APOLD1: variants seen among roughly 807,000 people sequenced by gnomAD.
APOLD1 encodes apolipoprotein L domain containing 1, also known as apolipoprotein L domain-containing protein 1.
Under a neutral mutation model 15.3 loss-of-function variants are expected in APOLD1, and 22 were observed. That is an observed-to-expected ratio of 1.44 (90% confidence interval 1.03 to 2.05). APOLD1 has a LOEUF of 2.05. APOLD1 is among the 30% of genes most tolerant of loss of function. The pLI is 0.00. For synonymous variants in APOLD1, 190 were observed against 167.4 expected (o/e 1.13, Z -1.04); for missense variants, 394 against 353.5 (o/e 1.11, Z -0.92).
intron 1 of APOLD1, among the ~76,000 whole-genome samples, chr12:12,777,830 T>C (rs1202650104): frequency 6.7e-6 from 1 of 150,022 alleles, no homozygotes; most frequent in African/African-American, 2.5e-5. Context: ...GAAGAGGGTA[T>C]AGGAGGTGGA....
intron 1 of APOLD1, among the ~76,000 whole-genome samples, chr12:12,746,515 A>ATAAATACATAAG (rs1198728011): frequency 6.6e-6 from 1 of 150,792 alleles, no homozygotes; most frequent in Non-Finnish European, 1.5e-5. Flanking sequence ...AAATAAATAA[A>ATAAATACATAAG]TACATAAATA....
exon 1 of APOLD1, chr12:12,726,016 T>A (rs1408091931): frequency 2.2e-5 from 34 of 1,522,386 alleles, no homozygotes; most frequent in Non-Finnish European, 3.0e-5. Context: ...CCGCGCGCCG[T>A]GTCACCGGCT....
At position 12,787,891 on chromosome 12, in the gene APOLD1, A is replaced by C; in HGVS notation, c.*239A>C. 1.9e-6 allele frequency: 1 copy of C among 537,538 alleles called. No individual in the cohort carries two copies. Among genetic ancestry groups the C allele is most frequent in the South Asian group, 2.9e-5 (1 of 34,178 alleles). 33.3% of individuals were successfully genotyped at this position (537,538 alleles called of 1,614,324 possible). A position where few individuals can be genotyped will look rare whatever the true frequency, so the allele number is the denominator to read the frequency against. On this transcript the variant is annotated 3_prime_UTR_variant, in exon 2 of 2. Transcript: ENST00000356591. The surrounding 1 kb of genome is among the most constrained non-coding windows in gnomAD (Gnocchi z 4.9). ...TCCTAGTGGAAAAATGTGACCCAAA[A>C]ACTCTTTTTCCTTTATCAAAAACTT... is the stretch of plus-strand genomic sequence containing the variant.
chr12:12,788,673 A>G lies in APOLD1; in HGVS notation c.*1021A>G, dbSNP rs1224435494. ...GGACACAACCCTCCTGATTTATGGA[A>G]TCAGAAACTCTGGCTGTGGGGCCCA... On this transcript the variant is annotated 3_prime_UTR_variant, in exon 2 of 2. Transcript: ENST00000356591. The G allele has an allele frequency of 6.6e-6, 1 of 152,208 alleles. No individual in the cohort carries two copies. Among genetic ancestry groups the G allele is most frequent in the Non-Finnish European group, 1.5e-5 (1 of 68,044 alleles). The allele number at this position is 152,208 out of a possible 1,614,324, so 9.4% of individuals were successfully genotyped here. A position where few individuals can be genotyped will look rare whatever the true frequency, so the allele number is the denominator to read the frequency against.
intron 1 of APOLD1, among the ~76,000 whole-genome samples, chr12:12,736,598 A>G (rs775195386): frequency 8.5e-5 from 13 of 152,218 alleles, no homozygotes; most frequent in Non-Finnish European, 1.3e-4. Context: ...TTGTTTCCTC[A>G]CTTTATCTAA....
intron 1 of APOLD1, among the ~76,000 whole-genome samples, chr12:12,752,861 A>G (rs1946822631): frequency 6.6e-6 from 1 of 152,224 alleles, no homozygotes; most frequent in African/African-American, 2.4e-5. Flanking sequence ...AGGACTATCT[A>G]GATGGTTCAA....
chr12:12,736,614 A>G (rs1311679689), intron 1 of APOLD1, among the ~76,000 whole-genome samples: 2 of 152,232 alleles, frequency 1.3e-5, no homozygotes, highest in Admixed American at 1.3e-4. Flanking sequence ...TCTAATATTA[A>G]TTGAAATCCT....
intron 1 of APOLD1, among the ~76,000 whole-genome samples, chr12:12,760,512 G>A (rs780176476): frequency 5.3e-5 from 8 of 151,366 alleles, no homozygotes; most frequent in Non-Finnish European, 1.0e-4. Context: ...GGTTCTGGGC[G>A]CCTATAATCC....
upstream of APOLD1, among the ~76,000 whole-genome samples, chr12:12,781,092 T>TA (rs1565437624): frequency 6.6e-6 from 1 of 152,172 alleles, no homozygotes; most frequent in Non-Finnish European, 1.5e-5. Context: ...ACATTGCAAT[T>TA]AAAAGAAATA....
Position 12,764,055 on chromosome 12 carries a change from C to T in APOLD1, c.97-22854C>T, listed in dbSNP as rs530367664. Among the ~76,000 whole-genome samples, 12 of 151,344 alleles carry T rather than the reference C, an allele frequency of 7.9e-5. No individual in the cohort carries two copies. In the South Asian group the frequency reaches 1.0e-3, roughly 13 times the overall value. On this transcript the variant is annotated intron_variant, in intron 1 of 1. Transcript: ENST00000326765. ...TCGGCTCACTGCAACCTCTGCCTCC[C>T]GGGTTCAAACAGTTCTCATGCCTCA... is the stretch of plus-strand genomic sequence containing the variant.
At chr12:12,728,322 T>C (rs1032742804) in intron 1 of APOLD1, among the ~76,000 whole-genome samples, 5 of 152,146 alleles carry the variant, frequency 3.3e-5, no homozygotes, top group African/African-American at 9.7e-5. Flanking sequence ...AGTATAGATA[T>C]GTCTGATGAA....
intron 1 of APOLD1, among the ~76,000 whole-genome samples, chr12:12,761,147 G>A (rs1946895695): frequency 6.6e-6 from 1 of 152,154 alleles, no homozygotes; most frequent in African/African-American, 2.4e-5. Context: ...TTAATCATGT[G>A]CTTAATCTAA....
chr12:12,750,906 C>G (rs1259927205), intron 1 of APOLD1, among the ~76,000 whole-genome samples: 1 of 151,570 alleles, frequency 6.6e-6, no homozygotes, highest in Non-Finnish European at 1.5e-5. Flanking sequence ...TCGCAAGTAG[C>G]TGGGACTATA....
chr12:12,769,478 C>T (rs1334576644), intron 1 of APOLD1, among the ~76,000 whole-genome samples: 1 of 152,110 alleles, frequency 6.6e-6, no homozygotes, highest in African/African-American at 2.4e-5. Flanking sequence ...TTGGTGTGGA[C>T]AAGTCTGTGA....
At chr12:12,739,951 G>A (rs1479210517) in intron 1 of APOLD1, among the ~76,000 whole-genome samples, 2 of 151,328 alleles carry the variant, frequency 1.3e-5, no homozygotes, top group African/African-American at 2.4e-5. Context: ...TGTGTAGCTG[G>A]GACTACAGGT....
rs986619391 is a variant in APOLD1 at position 12,791,444 on chromosome 12, A to G, written c.*3792A>G. On this transcript the variant is annotated 3_prime_UTR_variant, in exon 2 of 2. Coordinates refer to ENST00000356591, the MANE Select transcript of APOLD1 (RefSeq NM_030817.3). ...CAAAATTAATGCTTTCTCTTTATTG[A>G]AATAAATTGCTCATTCCTCAAATTT... 3 of 152,198 alleles carry G rather than the reference A, an allele frequency of 2.0e-5. No individual in the cohort carries two copies. The highest frequency in any genetic ancestry group is 7.2e-5 in the African/African-American group (3 of 41,456). The allele number at this position is 152,198 out of a possible 1,614,324, so 9.4% of individuals were successfully genotyped here. A position where few individuals can be genotyped will look rare whatever the true frequency, so the allele number is the denominator to read the frequency against.
intron 1 of APOLD1, among the ~76,000 whole-genome samples, chr12:12,741,986 C>G (rs1016729003): frequency 2.6e-5 from 4 of 152,174 alleles, no homozygotes; most frequent in African/African-American, 9.7e-5. Context: ...AAATTATTCT[C>G]TTTCACTTTC....
chr12:12,728,476 G>C (rs920686392), intron 1 of APOLD1, among the ~76,000 whole-genome samples: 1 of 151,640 alleles, frequency 6.6e-6, no homozygotes, highest in South Asian at 2.1e-4. Flanking sequence ...GACCAGCCTG[G>C]GCAACATGGT....
chr12:12,787,737 C>G lies in APOLD1; in HGVS notation c.*85C>G. 6.7e-7 allele frequency: 1 copy of G among 1,500,258 alleles called. No homozygotes were observed. The highest frequency in any genetic ancestry group is 8.8e-7 in the Non-Finnish European group (1 of 1,131,108). The allele number at this position is 1,500,258 out of a possible 1,614,324, so 92.9% of individuals were successfully genotyped here. A position where few individuals can be genotyped will look rare whatever the true frequency, so the allele number is the denominator to read the frequency against. On this transcript the variant is annotated 3_prime_UTR_variant, in exon 2 of 2. Coordinates refer to ENST00000356591, the MANE Select transcript of APOLD1 (RefSeq NM_030817.3). This position sits in a 1 kb window ranked among gnomAD's most constrained non-coding sequence, Gnocchi z 4.9. ...ATTTGTAGCTCCCTTAGGAAAACAC[C>G]AAGCTGGGTTAGGAGCCGAAGGCAA...
Sources: gnomAD v4.1 joint callset for allele counts (sites outside exome capture counted in the v4.1 genomes callset) on GRCh38, gnomAD v4.1.1 for gene constraint, Gnocchi (gnomAD v3.1) non-coding constraint, MANE v1.5 for transcripts, NCBI Gene and HGNC (gene_info 2026-07-23, HGNC 2026-07-21) for gene names.